The following USP32 variants were observed in gnomAD, a reference collection of about 807,000 sequenced individuals.
The protein encoded by USP32 is ubiquitin carboxyl-terminal hydrolase 32.
A neutral mutation model predicts 204.8 loss-of-function variants in USP32; 59 were observed. The observed-to-expected ratio is 0.29, with a 90% CI of 0.23 to 0.36. The LOEUF (loss-of-function observed/expected upper bound fraction) is 0.36. Among genes scored for constraint, USP32 ranks in the 10% least tolerant of loss-of-function variants. USP32 has a pLI of 1.00. For synonymous variants in USP32, 517 were observed against 678.4 expected, an observed-to-expected ratio of 0.76 and a Z score of 3.70; for missense variants, 1,160 against 1,946.4, an observed-to-expected ratio of 0.60 and a Z score of 7.60.
intron 1 of USP32, among the ~76,000 whole-genome samples, chr17:60,376,067 C>T (rs545006016): frequency 1.6e-3 from 249 of 151,264 alleles, no homozygotes; most frequent in African/African-American, 5.9e-3. Context: ...TTTTTAGAGA[C>T]GGGGTCTCAC....
At chr17:60,332,885 TATCACTGAATC>T (rs1411631987) in intron 2 of USP32, among the ~76,000 whole-genome samples, 2 of 152,336 alleles carry the variant, frequency 1.3e-5, no homozygotes, top group East Asian at 3.9e-4. Flanking sequence ...GCTTCCTTTT[TATCACTGAATC>T]ATCTAATAAA....
chr17:60,376,316 A>G (rs2089539868), intron 1 of USP32, among the ~76,000 whole-genome samples: 1 of 151,762 alleles, frequency 6.6e-6, no homozygotes, highest in South Asian at 2.1e-4. Flanking sequence ...AAGAAAATCT[A>G]ACCCCTTCCA....
intron 2 of USP32, among the ~76,000 whole-genome samples, chr17:60,334,647 G>A (rs573332723): frequency 2.1e-5 from 3 of 141,162 alleles, no homozygotes; most frequent in African/African-American, 6.2e-5. Context: ...AGCCGAGATC[G>A]CGCCACTGCA....
chr17:60,326,182 C>T (rs1375454751), intron 2 of USP32, among the ~76,000 whole-genome samples: 1 of 151,836 alleles, frequency 6.6e-6, no homozygotes, highest in African/African-American at 2.4e-5. Flanking sequence ...GTAAGATTTA[C>T]TTGCAAAACA....
At chr17:60,286,229 T>C (rs1430733568) in intron 5 of USP32, among the ~76,000 whole-genome samples, 2 of 151,982 alleles carry the variant, frequency 1.3e-5, no homozygotes, top group African/African-American at 4.8e-5. Flanking sequence ...TAGGCCTGTG[T>C]AGTGAATTGA....
rs143135626 is a variant in USP32 at position 60,319,893 on chromosome 17, G to A, written c.187-18189C>T. ...AATCTAGAGATGATTTAAAGTATAC[G>A]GGGGTGAGGGGTGTGTGCATACTAA... On this transcript the variant is annotated intron_variant, in intron 2 of 33. Transcript: ENST00000300896. Among the ~76,000 whole-genome samples, 366 of 152,218 alleles carry A rather than the reference G, an allele frequency of 2.4e-3. 2 individuals carry two copies. Among genetic ancestry groups the A allele is most frequent in the African/African-American group, 8.3e-3 (345 of 41,510 alleles).
chr17:60,256,849 C>A lies in USP32; in HGVS notation c.991-1591G>T. 3 of 771,570 alleles carry A rather than the reference C, an allele frequency of 3.9e-6. No homozygotes were observed. The South Asian group carries it at 5.1e-5, about 13-fold the overall frequency. The allele number at this position is 771,570 out of a possible 1,614,324, so 47.8% of individuals were successfully genotyped here. A position where few individuals can be genotyped will look rare whatever the true frequency, so the allele number is the denominator to read the frequency against. ...CTGGATTGGGCCAGTCAACATTAAT[C>A]AACTTATTATTCCTCACAGATTTCT... is the stretch of plus-strand genomic sequence containing the variant. On this transcript the variant is annotated intron_variant, in intron 9 of 33. Coordinates refer to ENST00000300896, the MANE Select transcript of USP32 (RefSeq NM_032582.4).
intron 1 of USP32, among the ~76,000 whole-genome samples, chr17:60,349,960 TAA>T: frequency 6.6e-6 from 1 of 151,024 alleles, no homozygotes; most frequent in African/African-American, 2.4e-5. Flanking sequence ...ACAGAAAATA[TAA>T]TAGAATCAAG....
At chr17:60,265,540 G>A in intron 8 of USP32, 66 bp from the exon 9 acceptor site, 1 of 1,082,286 alleles carries the variant, frequency 9.2e-7, no homozygotes. Flanking sequence ...GTTATTCAAT[G>A]GCTAAAGTAT....
At chr17:60,417,651 G>A (rs934827300) in intron 1 of USP32, among the ~76,000 whole-genome samples, 6 of 148,028 alleles carry the variant, frequency 4.1e-5, no homozygotes, top group Admixed American at 1.3e-4. Context: ...ACAGGATTTC[G>A]CCATGTTGGC....
intron 2 of USP32, among the ~76,000 whole-genome samples, chr17:60,331,230 C>T (rs910101801): frequency 9.2e-5 from 14 of 152,132 alleles, no homozygotes; most frequent in Non-Finnish European, 1.6e-4. Flanking sequence ...TTTAATTTAA[C>T]ATTTTACCAA....
intron 2 of USP32, among the ~76,000 whole-genome samples, chr17:60,326,106 CACTA>C (rs1417906581): frequency 6.6e-6 from 1 of 151,336 alleles, no homozygotes; most frequent in Admixed American, 6.6e-5. Context: ...CTCTTGTTTT[CACTA>C]ACTCTTTTTT....
intron 15 of USP32, among the ~76,000 whole-genome samples, chr17:60,222,043 A>G (rs1052163912): frequency 2.0e-5 from 3 of 152,198 alleles, no homozygotes; most frequent in Admixed American, 6.5e-5. Flanking sequence ...CCCTAACTAG[A>G]TACTTGTGTG....
chr17:60,245,816 A>C (rs944059052), intron 11 of USP32, among the ~76,000 whole-genome samples: 12 of 151,740 alleles, frequency 7.9e-5, no homozygotes, highest in Non-Finnish European at 1.6e-4. Flanking sequence ...TTCAGTGTTC[A>C]TATAGGAATG....
At chr17:60,210,277 T>G (rs534565498) in intron 21 of USP32, among the ~76,000 whole-genome samples, 1 of 152,202 alleles carries the variant, frequency 6.6e-6, no homozygotes, top group South Asian at 2.1e-4. Context: ...AATATAAAAC[T>G]TATATTCATT....
At chr17:60,346,728 T>C (rs2088794382) in intron 1 of USP32, among the ~76,000 whole-genome samples, 1 of 152,154 alleles carries the variant, frequency 6.6e-6, no homozygotes, top group African/African-American at 2.4e-5. Context: ...CTTTGACCCA[T>C]GCTAGAGAAA....
chr17:60,288,678 T>C lies in USP32; in HGVS notation c.416A>G (p.Glu139Gly). 1 of 1,600,018 alleles carries C rather than the reference T, an allele frequency of 6.2e-7. No individual in the cohort carries two copies. The highest frequency in any genetic ancestry group is 8.5e-7 in the Non-Finnish European group (1 of 1,176,222). Residue 139 changes from glutamate to glycine, a missense_variant, in exon 5 of 34, where the codon GAA becomes GGA. Glu to Gly is a moderately conservative substitution (Grantham distance 98, BLOSUM62 -2). Coordinates refer to ENST00000300896, the MANE Select transcript of USP32 (RefSeq NM_032582.4). The part of the protein sequence containing the change: ...DTLRKCFSEG[E>G]KVNYEKFRNW... Reference sequence around the variant, plus strand: ...TCTAAACTTTTCATAGTTTACCTTTTCACCCTAAAATTAAAACAAGAAAAC... The same window carrying C: ...TCTAAACTTTTCATAGTTTACCTTTCCACCCTAAAATTAAAACAAGAAAAC...
chr17:60,280,388 C>T (rs923725584), intron 5 of USP32, among the ~76,000 whole-genome samples: 1 of 152,162 alleles, frequency 6.6e-6, no homozygotes, highest in Non-Finnish European at 1.5e-5. Flanking sequence ...CGGGCTACTG[C>T]ACCTGGCCAA....
At chr17:60,345,687 T>C (rs1002996535) in intron 1 of USP32, 79 bp from the exon 2 acceptor site, 6 of 1,591,682 alleles carry the variant, frequency 3.8e-6, no homozygotes, top group South Asian at 2.2e-5. Flanking sequence ...ACCTGGCTCC[T>C]AAGAAAAATT....
Sources: gnomAD v4.1 joint callset for allele counts (sites outside exome capture counted in the v4.1 genomes callset) on GRCh38, gnomAD v4.1.1 for gene constraint, MANE v1.5 for transcripts, NCBI Gene and HGNC (gene_info 2026-07-23, HGNC 2026-07-21) for gene names.